WSB1: variants seen among roughly 807,000 people sequenced by gnomAD.
WSB1 encodes WD repeat and SOCS box-containing protein 1.
Under a neutral mutation model 50.2 loss-of-function variants are expected in WSB1, and 23 were observed. The observed-to-expected ratio is 0.46, with a 90% CI of 0.33 to 0.65. WSB1 has a LOEUF of 0.65. Ranked by LOEUF, WSB1 falls within the 30% of genes least tolerant of loss-of-function variation. WSB1 has a pLI of 0.02. For missense variants in WSB1, 492 were observed against 522.3 expected, an observed-to-expected ratio of 0.94 and a Z score of 0.56; for synonymous variants, 179 against 172.0, an observed-to-expected ratio of 1.04 and a Z score of -0.32.
At chr17:27,309,967 T>C in intron 6 of WSB1, 94 bp from the exon 7 acceptor site, 2 of 938,508 alleles carry the variant, frequency 2.1e-6, no homozygotes, top group South Asian at 2.9e-5. Context: ...AAGGCTACTT[T>C]AAACACTATT....
Position 27,302,277 on chromosome 17 carries a change from G to A in WSB1, c.209+321G>A, listed in dbSNP as rs73266235. Among the ~76,000 whole-genome samples the A allele has an allele frequency of 2.4e-4, 37 of 152,166 alleles. 1 individual carries two copies. The highest frequency in any genetic ancestry group is 7.0e-4 in the African/African-American group (29 of 41,532). ...AATACAAGAACTAGCTGGGCGTGGT[G>A]TGGCACACCTGTAGTCCCAGCTACT... is the stretch of plus-strand genomic sequence containing the variant. On this transcript the variant is annotated intron_variant, in intron 2 of 8. Transcript: ENST00000262394.
At chr17:27,310,211 T>TA (rs779314612) in intron 7 of WSB1, 37 bp downstream of exon 7, 1 of 1,584,202 alleles carries the variant, frequency 6.3e-7, no homozygotes, top group Non-Finnish European at 8.7e-7. Context: ...GACTTACTAT[T>TA]ACCTTTTACA....
chr17:27,303,697 G>A, intron 3 of WSB1, 62 bp downstream of exon 3: 2 of 1,554,702 alleles, frequency 1.3e-6, no homozygotes, highest in South Asian at 2.4e-5. Flanking sequence ...CTGCTTATAG[G>A]CACTGGAATT....
At chr17:27,297,650 T>G (rs1345711738) in intron 1 of WSB1, among the ~76,000 whole-genome samples, 1 of 151,974 alleles carries the variant, frequency 6.6e-6, no homozygotes, top group Non-Finnish European at 1.5e-5. Flanking sequence ...AGAGATGAGG[T>G]CCCCTATCTA....
At chr17:27,308,647 T>C in intron 5 of WSB1, 1 of 986,448 alleles carries the variant, frequency 1.0e-6, no homozygotes, top group Non-Finnish European at 1.2e-6. Flanking sequence ...AGTGATTATC[T>C]CAAAGGGAGA....
Position 27,304,535 on chromosome 17 carries a change from CAAAAAAAAAAAAA to C in WSB1, c.479-228_479-216del, listed in dbSNP as rs10660665. On this transcript the variant is annotated intron_variant, in intron 3 of 8. Transcript: ENST00000262394. ...GCAACATAGTGAGACTCCATCTCTC[CAAAAAAAAAAAAA>C]AAAAAAAAAAAAAAAAGGCCAGCCG... 7.6e-3 allele frequency among the ~76,000 whole-genome samples: 293 copies of C among 38,706 alleles called. 1 individual carries two copies. Among genetic ancestry groups the C allele is most frequent in the African/African-American group, 0.029 (262 of 8,978 alleles). 25.4% of individuals were successfully genotyped at this position (38,706 alleles called of 152,430 possible).
At position 27,314,234 on chromosome 17, in the gene WSB1, CTT is replaced by C. The variant is rs2017788588; in HGVS notation, c.*1871_*1872del. The C allele has an allele frequency of 6.6e-6, 1 of 152,138 alleles. No homozygotes were observed. The highest frequency in any genetic ancestry group is 2.4e-5 in the African/African-American group (1 of 41,410). 9.4% of individuals were successfully genotyped at this position (152,138 alleles called of 1,614,324 possible). A position where few individuals can be genotyped will look rare whatever the true frequency, so the allele number is the denominator to read the frequency against. On this transcript the variant is annotated 3_prime_UTR_variant, in exon 9 of 9. Coordinates refer to ENST00000262394, the MANE Select transcript of WSB1 (RefSeq NM_015626.10). ...CATCTAATCTTTATACTTCTTGTGACTTTTTTTCCCCTGCATTTTACTTTGTA... is the reference window on the plus strand; with the variant it reads ...CATCTAATCTTTATACTTCTTGTGACTTTTTCCCCTGCATTTTACTTTGTA...
At chr17:27,302,661 G>A (rs989682644) in intron 2 of WSB1, 7 of 152,152 alleles carry the variant, frequency 4.6e-5, no homozygotes, top group Non-Finnish European at 7.3e-5. Flanking sequence ...CTGACTTTAG[G>A]TGATCCACCC....
At chr17:27,304,535 CAAAAAAAAAAAAAAAAAA>C (rs10660665) in intron 3 of WSB1, among the ~76,000 whole-genome samples, 6 of 38,680 alleles carry the variant, frequency 1.6e-4, no homozygotes, top group Admixed American at 4.0e-4. Flanking sequence ...TCCATCTCTC[CAAAAAAAAAAAAAAAAAA>C]AAAAAAAAAA....
chr17:27,311,485 C>T (rs561718754), intron 7 of WSB1, 24 bp from the exon 8 acceptor site: 5 of 1,565,220 alleles, frequency 3.2e-6, no homozygotes, highest in African/African-American at 2.8e-5. Context: ...CTACAAGATA[C>T]TAAATAATTT....
chr17:27,294,251 G>A lies in WSB1; in HGVS notation c.-145G>A, dbSNP rs2016848376. 3 of 1,133,218 alleles carry A rather than the reference G, an allele frequency of 2.6e-6. No homozygotes were observed. The highest frequency in any genetic ancestry group is 1.6e-5 in the African/African-American group (1 of 63,754). 70.2% of individuals were successfully genotyped at this position (1,133,218 alleles called of 1,614,324 possible). On this transcript the variant is annotated 5_prime_UTR_variant, in exon 1 of 9. Transcript: ENST00000262394. ...GGGAGCTTTCCCGAGGCAGTTAGCA[G>A]AAGCCGCAGCGGCCGCCCCCGCCCG...
intron 5 of WSB1, 122 bp from the exon 6 acceptor site, chr17:27,308,974 TTAAA>T (rs777492720): frequency 1.5e-6 from 2 of 1,318,300 alleles, no homozygotes; most frequent in Non-Finnish European, 9.8e-7. Flanking sequence ...AGCATATTCT[TTAAA>T]TTACTCATAA....
chr17:27,305,185 G>C (rs2017397736), intron 4 of WSB1, among the ~76,000 whole-genome samples: 2 of 152,136 alleles, frequency 1.3e-5, no homozygotes, highest in African/African-American at 2.4e-5. Flanking sequence ...ACCAAATATG[G>C]ATCAGGTTTG....
At chr17:27,297,656 A>G (rs1029478062) in intron 1 of WSB1, among the ~76,000 whole-genome samples, 7 of 152,008 alleles carry the variant, frequency 4.6e-5, no homozygotes, top group Non-Finnish European at 7.4e-5. Context: ...GAGGTCCCCT[A>G]TCTATCCCAG....
intron 6 of WSB1, 151 bp downstream of exon 6, chr17:27,309,423 C>T (rs33949241): frequency 0.34 from 232,770 of 686,796 alleles, 42,085 homozygotes; most frequent in Middle Eastern, 0.46. Flanking sequence ...TAATGGAAAG[C>T]CTTCGATATA....
chr17:27,295,219 T>C (rs920744900), intron 1 of WSB1, among the ~76,000 whole-genome samples: 1 of 152,150 alleles, frequency 6.6e-6, no homozygotes, highest in Admixed American at 6.5e-5. Context: ...CGTTTGACGG[T>C]GTTGGGGGGT....
chr17:27,304,606 G>A (rs1385164823), intron 3 of WSB1, among the ~76,000 whole-genome samples, 174 bp from the exon 4 acceptor site: 5 of 149,556 alleles, frequency 3.3e-5, no homozygotes, highest in Non-Finnish European at 4.4e-5. Context: ...CAACTATTTC[G>A]GAGGCTGAGG....
chr17:27,296,198 C>T (rs1003923766), intron 1 of WSB1, among the ~76,000 whole-genome samples: 3 of 151,928 alleles, frequency 2.0e-5, no homozygotes, highest in Admixed American at 6.6e-5. Context: ...TAGAACCATC[C>T]ACTAAGTGTT....
chr17:27,296,485 A>T (rs1475293498), intron 1 of WSB1, among the ~76,000 whole-genome samples: 23 of 152,164 alleles, frequency 1.5e-4, no homozygotes, highest in Admixed American at 1.5e-3. Context: ...GGTGTTAATT[A>T]AAAGCCAAGC....
Sources: gnomAD v4.1 joint callset for allele counts (sites outside exome capture counted in the v4.1 genomes callset) on GRCh38, gnomAD v4.1.1 for gene constraint, MANE v1.5 for transcripts, NCBI Gene and HGNC (gene_info 2026-07-23, HGNC 2026-07-21) for gene names.